The following NTNG1 variants were observed in gnomAD, a reference collection of about 807,000 sequenced individuals.
NTNG1 encodes the protein netrin G1, also known as netrin-G1.
Under a neutral mutation model 54.0 loss-of-function variants are expected in NTNG1, and 16 were observed. The observed-to-expected ratio is 0.30, with a 90% confidence interval of 0.20 to 0.45. NTNG1 has a LOEUF of 0.45. NTNG1 is among the 20% of genes least tolerant of loss of function. The pLI is 1.00. For synonymous variants in NTNG1, 255 were observed against 263.1 expected (o/e 0.97, Z 0.30); for missense variants, 530 against 678.7 (o/e 0.78, Z 2.43).
chr1:107,443,768 C>G (rs191571530), intron 7 of NTNG1, among the ~76,000 whole-genome samples: 2 of 152,122 alleles, frequency 1.3e-5, no homozygotes, highest in African/African-American at 4.8e-5. Flanking sequence ...ACAAGTTGGT[C>G]TCATCAATAA....
chr1:107,303,899 A>T (rs1299926876), intron 2 of NTNG1, among the ~76,000 whole-genome samples: 1 of 151,912 alleles, frequency 6.6e-6, no homozygotes, highest in Admixed American at 6.6e-5. Flanking sequence ...GTTGGTCAGG[A>T]TGGTCTTGAT....
chr1:107,304,500 G>A (rs1333118658), intron 2 of NTNG1, among the ~76,000 whole-genome samples: 2 of 152,126 alleles, frequency 1.3e-5, no homozygotes, highest in Non-Finnish European at 1.5e-5. Flanking sequence ...TCCAGAAAAA[G>A]TAACTCCATT....
chr1:107,206,213 T>G (rs4915028), intron 2 of NTNG1, among the ~76,000 whole-genome samples: 123,110 of 151,990 alleles, frequency 0.81, 53,622 homozygotes, highest in East Asian at 0.99. Context: ...GCTGTCCCTG[T>G]CCTCCTTCAC....
At chr1:107,463,661 T>C (rs1677419371) in intron 7 of NTNG1, among the ~76,000 whole-genome samples, 1 of 151,878 alleles carries the variant, frequency 6.6e-6, no homozygotes, top group African/African-American at 2.4e-5. Context: ...AATGTAAGAG[T>C]TTTTGTCAGC....
intron 7 of NTNG1, among the ~76,000 whole-genome samples, chr1:107,452,312 A>G (rs1297051100): frequency 1.3e-5 from 2 of 152,196 alleles, no homozygotes; most frequent in Non-Finnish European, 2.9e-5. Flanking sequence ...TTGGGTTTTT[A>G]CAGAGTATTT....
At chr1:107,404,062 C>T (rs927888774) in intron 4 of NTNG1, among the ~76,000 whole-genome samples, 17 of 144,274 alleles carry the variant, frequency 1.2e-4, no homozygotes, top group Admixed American at 3.7e-4. Flanking sequence ...CAGGATCCCT[C>T]ACTGAACTCC....
At chr1:107,304,846 A>G (rs1194120315) in intron 2 of NTNG1, among the ~76,000 whole-genome samples, 2 of 151,850 alleles carry the variant, frequency 1.3e-5, no homozygotes, top group African/African-American at 4.8e-5. Context: ...TCAACTCATC[A>G]TCTACATTAG....
intron 2 of NTNG1, among the ~76,000 whole-genome samples, chr1:107,220,521 A>G (rs1181950819): frequency 6.6e-6 from 1 of 152,130 alleles, no homozygotes; most frequent in African/African-American, 2.4e-5. Context: ...CAGCTTTTGC[A>G]CATATGCATG....
chr1:107,256,859 A>T (rs1662968319), intron 2 of NTNG1, among the ~76,000 whole-genome samples: 1 of 152,220 alleles, frequency 6.6e-6, no homozygotes, highest in Non-Finnish European at 1.5e-5. Context: ...ATTCTAACTG[A>T]ATTAATCAGC....
intron 2 of NTNG1, among the ~76,000 whole-genome samples, chr1:107,185,662 C>T (rs868618691): frequency 6.6e-6 from 1 of 152,072 alleles, no homozygotes; most frequent in East Asian, 1.9e-4. Context: ...GTCTCTTTAG[C>T]CTTGAAAGTT....
chr1:107,364,982 T>G (rs1338868463), intron 3 of NTNG1, among the ~76,000 whole-genome samples: 2 of 152,206 alleles, frequency 1.3e-5, no homozygotes, highest in Non-Finnish European at 2.9e-5. Context: ...TGATGCACAG[T>G]CATGTATTCA....
chr1:107,150,745 TTGG>T (rs1336052265), intron 2 of NTNG1, among the ~76,000 whole-genome samples: 3 of 152,196 alleles, frequency 2.0e-5, no homozygotes, highest in African/African-American at 7.2e-5. Flanking sequence ...AAGGGTTTAC[TTGG>T]TGTCTTCAGC....
intron 3 of NTNG1, among the ~76,000 whole-genome samples, chr1:107,343,220 C>T (rs988096909): frequency 6.6e-6 from 1 of 152,108 alleles, no homozygotes; most frequent in East Asian, 1.9e-4. Context: ...TCACGCTCCA[C>T]TTTTTGGCAA....
chr1:107,227,034 C>A (rs1472715523), intron 2 of NTNG1, among the ~76,000 whole-genome samples: 1 of 152,106 alleles, frequency 6.6e-6, no homozygotes, highest in Non-Finnish European at 1.5e-5. Flanking sequence ...CATTTGAGTG[C>A]TTTACTCTAT....
intron 2 of NTNG1, among the ~76,000 whole-genome samples, chr1:107,183,106 C>T (rs1228652166): frequency 6.6e-6 from 1 of 152,140 alleles, no homozygotes; most frequent in East Asian, 1.9e-4. Flanking sequence ...TCATGTCTCC[C>T]AGAGCATTTA....
intron 3 of NTNG1, among the ~76,000 whole-genome samples, chr1:107,364,570 G>A (rs997383718): frequency 2.0e-5 from 3 of 152,106 alleles, no homozygotes; most frequent in Admixed American, 1.3e-4. Flanking sequence ...CATTTACGAC[G>A]TGCTCAGAAG....
At chr1:107,275,640 C>T (rs1309043354) in intron 2 of NTNG1, among the ~76,000 whole-genome samples, 1 of 152,102 alleles carries the variant, frequency 6.6e-6, no homozygotes, top group East Asian at 1.9e-4. Flanking sequence ...GGAAAAAAAC[C>T]CATGTCCCAG....
intron 3 of NTNG1, among the ~76,000 whole-genome samples, chr1:107,328,699 CTGTA>C (rs1234174963): frequency 6.6e-6 from 1 of 152,054 alleles, no homozygotes; most frequent in Non-Finnish European, 1.5e-5. Flanking sequence ...AAAGCGAGCA[CTGTA>C]TTTGTCAGCT....
intron 7 of NTNG1, among the ~76,000 whole-genome samples, chr1:107,478,817 T>G (rs1172999217): frequency 6.6e-6 from 1 of 152,244 alleles, no homozygotes; most frequent in Admixed American, 6.5e-5. Context: ...AACCTACATA[T>G]GCTTTCCAAA....
Sources: allele counts gnomAD v4.1 joint callset (sites outside exome capture counted in the v4.1 genomes callset), GRCh38; gene constraint gnomAD v4.1.1; transcripts MANE v1.5; gene names NCBI Gene and HGNC (gene_info 2026-07-23, HGNC 2026-07-21).